Variants in ELOVL5 observed in about 807,000 individuals in gnomAD.
The protein encoded by ELOVL5 is ELOVL fatty acid elongase 5, also known as very long chain fatty acid elongase 5.
In ELOVL5, 8 loss-of-function variants were observed where a neutral mutation model predicts 38.6. That is an observed-to-expected ratio of 0.21 (90% confidence interval 0.12 to 0.37). The LOEUF (loss-of-function observed/expected upper bound fraction) is 0.37, where lower values mean the gene tolerates loss of function less well. Ranked by LOEUF, ELOVL5 falls within the 10% of genes least tolerant of loss-of-function variation. ELOVL5 has a pLI of 1.00. For synonymous variants in ELOVL5, 127 were observed against 133.7 expected (o/e 0.95, Z 0.34); for missense variants, 280 against 367.8 (o/e 0.76, Z 1.95).
intron 1 of ELOVL5, among the ~76,000 whole-genome samples, chr6:53,326,144 T>A (rs1768532161): frequency 6.6e-6 from 1 of 152,160 alleles, no homozygotes; most frequent in Non-Finnish European, 1.5e-5. Context: ...AACTCAGTCA[T>A]CTCTTAGCCT....
chr6:53,322,351 G>T (rs2127587824), intron 1 of ELOVL5, among the ~76,000 whole-genome samples: 1 of 152,264 alleles, frequency 6.6e-6, no homozygotes, highest in African/African-American at 2.4e-5. Context: ...TTTCGCAGAA[G>T]ACAGGCTATT....
At chr6:53,338,233 G>C (rs910894176) in intron 1 of ELOVL5, among the ~76,000 whole-genome samples, 2 of 152,116 alleles carry the variant, frequency 1.3e-5, no homozygotes, top group Non-Finnish European at 2.9e-5. Flanking sequence ...TTAAAAAGAT[G>C]GTAAGTTCAA....
At chr6:53,323,994 G>A (rs536666551) in intron 1 of ELOVL5, among the ~76,000 whole-genome samples, 12 of 152,214 alleles carry the variant, frequency 7.9e-5, no homozygotes, top group African/African-American at 2.9e-4. Flanking sequence ...GCTCATGCCT[G>A]TTAATCCTAG....
intron 1 of ELOVL5, among the ~76,000 whole-genome samples, chr6:53,344,159 G>A (rs536194736): frequency 6.6e-5 from 10 of 152,340 alleles, no homozygotes; most frequent in East Asian, 5.8e-4. Context: ...AAGGTTGGCC[G>A]TGAAGAGGAG....
intron 1 of ELOVL5, among the ~76,000 whole-genome samples, chr6:53,335,687 C>T (rs1171118011): frequency 6.6e-6 from 1 of 152,182 alleles, no homozygotes; most frequent in Non-Finnish European, 1.5e-5. Context: ...ACAGCCGGTT[C>T]TTGCCCAAAC....
chr6:53,330,541 T>TTTTTA (rs1407611967), intron 1 of ELOVL5, among the ~76,000 whole-genome samples: 1 of 146,564 alleles, frequency 6.8e-6, no homozygotes, highest in Non-Finnish European at 1.5e-5. Flanking sequence ...TTTTTTTTTT[T>TTTTTA]AGGGACAGAG....
chr6:53,306,591 T>TC (rs1767590041), intron 1 of ELOVL5, among the ~76,000 whole-genome samples: 1 of 152,106 alleles, frequency 6.6e-6, no homozygotes, highest in African/African-American at 2.4e-5. Flanking sequence ...GAATTCTTAT[T>TC]CACAGCTAAA....
intron 1 of ELOVL5, among the ~76,000 whole-genome samples, chr6:53,338,022 G>A (rs1769155228): frequency 6.6e-6 from 1 of 152,166 alleles, no homozygotes; most frequent in African/African-American, 2.4e-5. Context: ...GGTATGTGGG[G>A]CACCCAACGA....
intron 1 of ELOVL5, among the ~76,000 whole-genome samples, chr6:53,347,000 C>A (rs906961669): frequency 5.9e-5 from 9 of 152,178 alleles, no homozygotes; most frequent in Non-Finnish European, 8.8e-5. Flanking sequence ...CCACAATGAT[C>A]CTGCCACATA....
chr6:53,270,260 G>T (rs1036429671), intron 7 of ELOVL5, among the ~76,000 whole-genome samples: 6 of 152,208 alleles, frequency 3.9e-5, no homozygotes, highest in Non-Finnish European at 5.9e-5. Context: ...TGGCCATGAC[G>T]TTCAGGGTAG....
intron 6 of ELOVL5, among the ~76,000 whole-genome samples, chr6:53,271,676 C>G (rs186130535): frequency 6.6e-6 from 1 of 152,170 alleles, no homozygotes; most frequent in Admixed American, 6.5e-5. Flanking sequence ...CCAGGGTGGC[C>G]TCAAACTCTC....
Position 53,294,018 on chromosome 6 carries a change from A to T in ELOVL5, c.58+1624T>A, listed in dbSNP as rs1581941901. The stretch of plus-strand genomic sequence containing the variant: ...TTAAGAAAACCAGTTCCCACTTAGC[A>T]ACTAACATCAGACTGTTATTTTGTA... On this transcript the variant is annotated intron_variant, in intron 2 of 7. Transcript: ENST00000304434. The T allele has an allele frequency of 1.6e-5, 16 of 1,024,754 alleles. No homozygotes were observed. The East Asian group carries it at 5.8e-4, about 37-fold the overall frequency. The allele number at this position is 1,024,754 out of a possible 1,614,324, so 63.5% of individuals were successfully genotyped here. A position where few individuals can be genotyped will look rare whatever the true frequency, so the allele number is the denominator to read the frequency against.
At chr6:53,345,572 C>T (rs544265583) in intron 1 of ELOVL5, among the ~76,000 whole-genome samples, 1 of 152,360 alleles carries the variant, frequency 6.6e-6, no homozygotes, top group South Asian at 2.1e-4. Flanking sequence ...TATCCAGCCC[C>T]TCACACCCAA....
intron 1 of ELOVL5, among the ~76,000 whole-genome samples, chr6:53,342,372 G>T (rs1379611598): frequency 4.6e-5 from 7 of 152,192 alleles, no homozygotes; most frequent in Non-Finnish European, 5.9e-5. Flanking sequence ...CTTTGTTGTA[G>T]CATTTGCTGT....
intron 1 of ELOVL5, among the ~76,000 whole-genome samples, chr6:53,331,517 T>C (rs147982419): frequency 7.1e-4 from 108 of 152,296 alleles, no homozygotes; most frequent in African/African-American, 2.6e-3. Flanking sequence ...TACACTGCCC[T>C]AGGACATTAA....
chr6:53,269,043 G>A lies in ELOVL5; in HGVS notation c.*84C>T. ...ACTATTGTAGGCCAGACTAGTTACAGCAGCTGTTAACGAGCATTGGGGCAC... is the reference window on the plus strand; with the variant it reads ...ACTATTGTAGGCCAGACTAGTTACAACAGCTGTTAACGAGCATTGGGGCAC... On this transcript the variant is annotated 3_prime_UTR_variant, in exon 8 of 8. Transcript: ENST00000304434. 2 of 1,501,594 alleles carry A rather than the reference G, an allele frequency of 1.3e-6. No individual in the cohort carries two copies. Among genetic ancestry groups the A allele is most frequent in the South Asian group, 2.5e-5 (2 of 78,966 alleles). The allele number at this position is 1,501,594 out of a possible 1,614,324, so 93.0% of individuals were successfully genotyped here.
chr6:53,341,300 G>A (rs1023638372), intron 1 of ELOVL5, among the ~76,000 whole-genome samples: 2 of 152,060 alleles, frequency 1.3e-5, no homozygotes, highest in African/African-American at 2.4e-5. Context: ...TGATTATACC[G>A]TCAGCCTCCC....
intron 1 of ELOVL5, among the ~76,000 whole-genome samples, chr6:53,335,689 T>C (rs1769032321): frequency 1.3e-5 from 2 of 152,202 alleles, no homozygotes; most frequent in Non-Finnish European, 1.5e-5. Flanking sequence ...AGCCGGTTCT[T>C]GCCCAAACTC....
At chr6:53,287,841 T>C (rs143454588) in intron 3 of ELOVL5, 12 of 1,532,804 alleles carry the variant, frequency 7.8e-6, no homozygotes, top group East Asian at 4.9e-5. Context: ...TTCAAAGCCA[T>C]GTGCACTGCA....
Sources: allele counts gnomAD v4.1 joint callset (sites outside exome capture counted in the v4.1 genomes callset), GRCh38; gene constraint gnomAD v4.1.1; transcripts MANE v1.5; gene names NCBI Gene and HGNC (gene_info 2026-07-23, HGNC 2026-07-21).